The following REPS1 variants were observed in gnomAD, a reference collection of about 807,000 sequenced individuals.
The protein encoded by REPS1 is ralBP1-associated Eps domain-containing protein 1.
A neutral mutation model predicts 100.9 loss-of-function variants in REPS1; 39 were observed. That is an observed-to-expected ratio of 0.39 (90% CI 0.30 to 0.50). The LOEUF is 0.50. Ranked by LOEUF, REPS1 falls within the 20% of genes least tolerant of loss-of-function variation. REPS1 has a pLI of 0.86. For synonymous variants in REPS1, 324 were observed against 340.3 expected (o/e 0.95, Z 0.53); for missense variants, 821 against 968.5 (o/e 0.85, Z 2.02).
chr6:138,962,428 T>C (rs763315208), intron 1 of REPS1, among the ~76,000 whole-genome samples: 10 of 151,846 alleles, frequency 6.6e-5, no homozygotes, highest in Non-Finnish European at 1.5e-4. Context: ...TAAAATATAA[T>C]AGCTTTATAT....
At chr6:138,962,321 T>C (rs182247257) in intron 1 of REPS1, among the ~76,000 whole-genome samples, 96 of 152,108 alleles carry the variant, frequency 6.3e-4, no homozygotes, top group African/African-American at 2.2e-3. Context: ...AATGATACAA[T>C]GGTCCTAGAG....
At chr6:138,970,457 T>TAAAA (rs11420118) in intron 1 of REPS1, among the ~76,000 whole-genome samples, 1 of 141,388 alleles carries the variant, frequency 7.1e-6, no homozygotes, top group Non-Finnish European at 1.5e-5. Flanking sequence ...AAGAATATCT[T>TAAAA]AAAAAAAAAA....
chr6:138,914,681 T>C lies in REPS1; in HGVS notation c.1785+16A>G. ...TGATCATGGGACATTTAGTAATAAA[T>C]ACCTTGGAGAATTACCTGTGAGGGC... On this transcript the variant is annotated intron_variant, in intron 15 of 19. Coordinates refer to ENST00000450536, the MANE Select transcript of REPS1 (RefSeq NM_001286611.2). 1 of 1,602,602 alleles carries C rather than the reference T, an allele frequency of 6.2e-7. No homozygotes were observed. The highest frequency in any genetic ancestry group is 8.6e-7 in the Non-Finnish European group (1 of 1,169,582).
At chr6:138,930,128 T>G in intron 8 of REPS1, 30 bp from the exon 9 acceptor site, 1 of 1,601,626 alleles carries the variant, frequency 6.2e-7, no homozygotes, top group Non-Finnish European at 8.5e-7. Flanking sequence ...AAATTCTCTA[T>G]AAAGACTACA....
At chr6:138,978,502 G>T (rs1466791968) in intron 1 of REPS1, among the ~76,000 whole-genome samples, 1 of 151,258 alleles carries the variant, frequency 6.6e-6, no homozygotes, top group African/African-American at 2.4e-5. Flanking sequence ...ACAGGCAGGG[G>T]TCTCCCTATG....
chr6:138,916,218 C>CTTTTTTTTTT (rs10582137), intron 13 of REPS1: 30 of 207,432 alleles, frequency 1.4e-4, no homozygotes, highest in African/African-American at 2.6e-4. Flanking sequence ...TTCTTTTTTT[C>CTTTTTTTTTT]TTTTTTTTTT....
rs1271847346 is a variant in REPS1, at chr6:138,944,013, G to C, written c.756C>G (p.Asp252Glu). Residue 252 changes from aspartate (D) to glutamate (E), a missense_variant and splice_region_variant, in exon 6 of 20, where the codon GAC (aspartate) becomes GAG (glutamate). By Grantham distance (45) the Asp-to-Glu change is conservative. Around this residue, in one of 3 missense-constraint regions of REPS1, gnomAD observed 757 missense variants for 866.4 expected, o/e 0.87. Transcript: ENST00000450536. ...LLTMHPASVQ[D>E]QTTVRTVASA... ...ATGCTACAGTTCGTACTGTTGTCTG[G>C]TCCTGTAATGAAACATTTTTTCCTC... 6.2e-7 allele frequency: 1 copy of C among 1,613,470 alleles called. No individual in the cohort carries two copies.
chr6:138,960,043 A>G (rs1380769581), intron 1 of REPS1, among the ~76,000 whole-genome samples: 1 of 152,212 alleles, frequency 6.6e-6, no homozygotes, highest in African/African-American at 2.4e-5. Flanking sequence ...TATTCCAAAC[A>G]ACACCAGTCC....
intron 12 of REPS1, 101 bp downstream of exon 12, chr6:138,920,114 T>C (rs1780653169): frequency 1.5e-6 from 1 of 673,442 alleles, no homozygotes; most frequent in African/African-American, 1.8e-5. Context: ...TCCTCTACTT[T>C]ATCTAGTGAA....
intron 1 of REPS1, among the ~76,000 whole-genome samples, chr6:138,968,542 C>G (rs994059159): frequency 1.3e-5 from 2 of 152,056 alleles, no homozygotes; most frequent in South Asian, 2.1e-4. Flanking sequence ...AATTTCAGAC[C>G]CTTGCATACC....
At chr6:138,937,779 G>A (rs992211542) in intron 8 of REPS1, among the ~76,000 whole-genome samples, 9 of 152,300 alleles carry the variant, frequency 5.9e-5, no homozygotes, top group African/African-American at 1.7e-4. Context: ...CAATGTGAAT[G>A]TCTGTCTATT....
chr6:138,951,982 A>G (rs1297968702), intron 1 of REPS1, among the ~76,000 whole-genome samples: 1 of 152,186 alleles, frequency 6.6e-6, no homozygotes, highest in Non-Finnish European at 1.5e-5. Context: ...CTGTTAGGAT[A>G]TAGATTCCCG....
chr6:138,957,996 A>G (rs1030591215), intron 1 of REPS1, among the ~76,000 whole-genome samples: 1 of 152,264 alleles, frequency 6.6e-6, no homozygotes, highest in Non-Finnish European at 1.5e-5. Context: ...GAAGTATAAG[A>G]AAGGTCAAAG....
At chr6:138,931,793 C>G (rs941980789) in intron 8 of REPS1, among the ~76,000 whole-genome samples, 20 of 151,806 alleles carry the variant, frequency 1.3e-4, no homozygotes, top group African/African-American at 4.8e-4. Context: ...AAACTTTATC[C>G]CCAGTGATAA....
At chr6:138,974,867 G>A (rs1448569864) in intron 1 of REPS1, among the ~76,000 whole-genome samples, 1 of 152,086 alleles carries the variant, frequency 6.6e-6, no homozygotes, top group African/African-American at 2.4e-5. Flanking sequence ...GCATGTGCCT[G>A]TAGTCCTAGC....
intron 2 of REPS1, 80 bp from the exon 3 acceptor site, chr6:138,945,777 T>C (rs1379394349): frequency 3.4e-6 from 4 of 1,177,884 alleles, no homozygotes; most frequent in Admixed American, 2.9e-5. Flanking sequence ...ATGAATTAGA[T>C]ATTAGAATTT....
chr6:138,957,290 T>C (rs1039860135), intron 1 of REPS1, among the ~76,000 whole-genome samples: 6 of 152,160 alleles, frequency 3.9e-5, no homozygotes, highest in South Asian at 2.1e-4. Flanking sequence ...GGGAGAACAT[T>C]AGAAATGGCG....
At chr6:138,908,238 G>A (rs977127584) in intron 18 of REPS1, among the ~76,000 whole-genome samples, 7 of 152,136 alleles carry the variant, frequency 4.6e-5, no homozygotes, top group Admixed American at 1.3e-4. Flanking sequence ...CGTACATGAG[G>A]AGGCTCTGCT....
chr6:138,917,157 C>T (rs764062775), intron 13 of REPS1, among the ~76,000 whole-genome samples: 5 of 152,196 alleles, frequency 3.3e-5, no homozygotes, highest in Admixed American at 2.6e-4. Context: ...TTATATGTAA[C>T]GCAGAACTTC....
Sources: gnomAD v4.1 joint callset for allele counts (sites outside exome capture counted in the v4.1 genomes callset) on GRCh38, gnomAD v4.1.1 for gene constraint, gnomAD v4.1.1 regional missense constraint, MANE v1.5 for transcripts, NCBI Gene and HGNC (gene_info 2026-07-23, HGNC 2026-07-21) for gene names.